ZNF160: variants seen among roughly 807,000 people sequenced by gnomAD.
ZNF160 encodes KRAB zinc finger protein KR18.
Under a neutral mutation model 13.1 loss-of-function variants are expected in ZNF160, and 9 were observed. That is an observed-to-expected ratio of 0.69 (90% CI 0.41 to 1.20). The LOEUF is 1.20. ZNF160 is among the 50% of genes most tolerant of loss of function. The pLI is 0.01. For missense variants in ZNF160, 838 were observed against 988.0 expected (o/e 0.85, Z 2.04); for synonymous variants, 293 against 333.2 (o/e 0.88, Z 1.31).
chr19:53,085,286 G>A (rs1196266538), intron 3 of ZNF160: 3 of 859,452 alleles, frequency 3.5e-6, no homozygotes, highest in Non-Finnish European at 4.2e-6. Flanking sequence ...ATTCACTGAG[G>A]AATTTGTTTA....
intron 5 of ZNF160, chr19:53,073,452 G>A: frequency 6.3e-7 from 1 of 1,598,394 alleles, no homozygotes. Context: ...TCTTCCATGA[G>A]GTTTGGGGCA....
chr19:53,091,663 C>CTG lies in ZNF160; in HGVS notation c.-298_-297dup, dbSNP rs2085041964. ...AGCGAGGCTGAAGCCACTCAGTGGG[C>CTG]TGGGAGCCGGGATCTCTCTAGGTCG... is the stretch of plus-strand genomic sequence containing the variant. On this transcript the variant is annotated 5_prime_UTR_variant, in exon 2 of 6. The change abolishes the stop of an existing upstream ORF in the 5' untranslated region. Coordinates refer to ENST00000683776, the MANE Select transcript of ZNF160 (RefSeq NM_001322131.2). The CTG allele has an allele frequency of 6.6e-6, 1 of 152,256 alleles. No homozygotes were observed. The allele number at this position is 152,256 out of a possible 1,614,324, so 9.4% of individuals were successfully genotyped here. A position where few individuals can be genotyped will look rare whatever the true frequency, so the allele number is the denominator to read the frequency against.
intron 1 of ZNF160, among the ~76,000 whole-genome samples, chr19:53,096,822 G>A (rs973186790): frequency 6.2e-5 from 8 of 129,104 alleles, no homozygotes; most frequent in Non-Finnish European, 1.2e-4. Context: ...AGAGGACAAC[G>A]GGGAAAGGGA....
intron 1 of ZNF160, among the ~76,000 whole-genome samples, chr19:53,093,848 G>A (rs2085124028): frequency 6.6e-6 from 1 of 152,128 alleles, no homozygotes; most frequent in Non-Finnish European, 1.5e-5. Flanking sequence ...GAATGTTCCT[G>A]TCACACATAA....
intron 5 of ZNF160, among the ~76,000 whole-genome samples, chr19:53,072,239 C>G (rs1255196328): frequency 6.6e-6 from 1 of 151,988 alleles, no homozygotes; most frequent in Non-Finnish European, 1.5e-5. Flanking sequence ...ATAGCTGGGA[C>G]TGCAGGCATG....
chr19:53,079,606 T>C (rs2084546033), intron 3 of ZNF160, among the ~76,000 whole-genome samples: 1 of 143,288 alleles, frequency 7.0e-6, no homozygotes, highest in East Asian at 2.0e-4. Flanking sequence ...CTTCAGAATA[T>C]TAGATTTGGC....
intron 4 of ZNF160, 88 bp from the exon 5 acceptor site, chr19:53,074,356 T>A: frequency 1.3e-6 from 2 of 1,532,810 alleles, no homozygotes; most frequent in South Asian, 2.5e-5. Flanking sequence ...TATATGTGGA[T>A]CTAAGAAAAC....
intron 3 of ZNF160, among the ~76,000 whole-genome samples, chr19:53,080,107 C>CTTTT (rs60598879): frequency 1.4e-5 from 2 of 140,958 alleles, no homozygotes; most frequent in Non-Finnish European, 3.1e-5. Flanking sequence ...ATCAGCAGTA[C>CTTTT]TTTTTTTTTT....
intron 2 of ZNF160, among the ~76,000 whole-genome samples, chr19:53,089,612 G>T (rs931919394): frequency 1.3e-5 from 2 of 152,064 alleles, no homozygotes. Flanking sequence ...TTATAGACAA[G>T]TTTTGCAATT....
chr19:53,069,714 T>C lies in ZNF160; in HGVS notation c.820A>G (p.Ser274Gly). The change falls in exon 6 of 6, where the codon AGT becomes GGT. Residue 274 changes from serine (S) to glycine (G), a missense_variant. Physicochemically the swap from Ser to Gly is moderately conservative, Grantham distance 56. Around this residue, in one of 3 missense-constraint regions of ZNF160, gnomAD observed 387 missense variants for 402.3 expected, o/e 0.96. Coordinates refer to ENST00000683776, the MANE Select transcript of ZNF160 (RefSeq NM_001322131.2). The surrounding 1 kb of genome is among the most constrained non-coding windows in gnomAD (Gnocchi z 4.4). ...TCTCCACTATGAATTCTCCTATGAC[T>C]TGTAAGGTTCGAATTCTGAGTGAAC... ...KAFTQNSNLT[S>G]HRRIHSGEKP... The C allele has an allele frequency of 6.2e-7, 1 of 1,614,254 alleles. No homozygotes were observed. Among genetic ancestry groups the C allele is most frequent in the Non-Finnish European group, 8.5e-7 (1 of 1,180,046 alleles).
Position 53,068,159 on chromosome 19 carries a change from T to TG in ZNF160, c.2374_2375insC (p.Asn792ThrfsTer2). 1 of 1,614,194 alleles carries TG rather than the reference T, an allele frequency of 6.2e-7. No homozygotes were observed. Among genetic ancestry groups the TG allele is most frequent in the South Asian group, 1.1e-5 (1 of 91,086 alleles). Reference sequence around the variant, plus strand: ...CTGCCTGAAGACCTTGCCACACTCATTACATTTGTAACGCTTTTCTCCAGT... The same window carrying TG: ...CTGCCTGAAGACCTTGCCACACTCATGTACATTTGTAACGCTTTTCTCCAGT... On this transcript the variant is annotated frameshift_variant, in exon 6 of 6. Transcript: ENST00000683776. LOFTEE classifies it low-confidence loss of function (END_TRUNC).
At chr19:53,073,841 A>G (rs1258324481) in intron 5 of ZNF160, among the ~76,000 whole-genome samples, 1 of 152,136 alleles carries the variant, frequency 6.6e-6, no homozygotes, top group African/African-American at 2.4e-5. Flanking sequence ...GCTGGAGTGC[A>G]GTGGCATGAT....
rs1452300264 is a variant in ZNF160 at position 53,068,322 on chromosome 19, A to G, written c.2212T>C (p.Cys738Arg). 6.2e-7 allele frequency: 1 copy of G among 1,614,020 alleles called. No homozygotes were observed. The highest frequency in any genetic ancestry group is 8.5e-7 in the Non-Finnish European group (1 of 1,180,034). The change falls in exon 6 of 6, where the codon TGT (cysteine) becomes CGT (arginine). Residue 738 changes from cysteine (C) to arginine (R), a missense_variant. Cys to Arg is a radical substitution (Grantham distance 180). Around this residue, in one of 3 missense-constraint regions of ZNF160, gnomAD observed 400 missense variants for 538.9 expected, o/e 0.74. Transcript: ENST00000683776. ...TGKKPYKCNE[C>R]GKVFTQNAHL... ...GCATTTTGAGTAAAGACCTTGCCAC[A>G]TTCATTACATTTGTAAGGTTTTTTC... is the stretch of plus-strand genomic sequence containing the variant.
intron 2 of ZNF160, among the ~76,000 whole-genome samples, chr19:53,086,800 G>T (rs2084852315): frequency 6.6e-6 from 1 of 152,150 alleles, no homozygotes; most frequent in African/African-American, 2.4e-5. Flanking sequence ...TACGTCAAGG[G>T]GGCACAAGAG....
Position 53,068,052 on chromosome 19 carries a change from A to G in ZNF160, c.*25T>C. The G allele has an allele frequency of 6.4e-7, 1 of 1,566,082 alleles. No homozygotes were observed. Among genetic ancestry groups the G allele is most frequent in the Non-Finnish European group, 8.6e-7 (1 of 1,156,120 alleles). ...AAATTAACTGATGTGAAAGGAGTGA[A>G]TTGTACCTAATGACCTCACCACACT... On this transcript the variant is annotated 3_prime_UTR_variant, in exon 6 of 6. Transcript: ENST00000683776.
At position 53,067,405 on chromosome 19, in the gene ZNF160, T is replaced by C. The variant is rs1379322420; in HGVS notation, c.*672A>G. On this transcript the variant is annotated 3_prime_UTR_variant, in exon 6 of 6. Coordinates refer to ENST00000683776, the MANE Select transcript of ZNF160 (RefSeq NM_001322131.2). ...TTTTTCGCCACTCCCAAATGCTAATTCAGATGATACTTAATTTTAAAAGCA... is the reference window on the plus strand; with the variant it reads ...TTTTTCGCCACTCCCAAATGCTAATCCAGATGATACTTAATTTTAAAAGCA... 1 of 152,182 alleles carries C rather than the reference T, an allele frequency of 6.6e-6. No individual in the cohort carries two copies. The highest frequency in any genetic ancestry group is 1.5e-5 in the Non-Finnish European group (1 of 68,040). The allele number at this position is 152,182 out of a possible 1,614,324, so 9.4% of individuals were successfully genotyped here. A position where few individuals can be genotyped will look rare whatever the true frequency, so the allele number is the denominator to read the frequency against.
intron 3 of ZNF160, chr19:53,084,979 G>C (rs1481717581): frequency 6.5e-6 from 1 of 154,960 alleles, no homozygotes; most frequent in Middle Eastern, 3.1e-3. Context: ...TTTGAGACAA[G>C]GTCTTGTTCT....
At chr19:53,076,223 A>G (rs758840063) in intron 3 of ZNF160, among the ~76,000 whole-genome samples, 4 of 152,246 alleles carry the variant, frequency 2.6e-5, no homozygotes, top group Admixed American at 6.5e-5. Context: ...TTTATGGGCA[A>G]TAAGTATACA....
intron 5 of ZNF160, among the ~76,000 whole-genome samples, chr19:53,072,719 C>T (rs530498713): frequency 4.3e-4 from 66 of 152,126 alleles, no homozygotes; most frequent in Middle Eastern, 3.4e-3. Context: ...GGCATGGTGG[C>T]GCATGCCTGT....
Sources: allele counts gnomAD v4.1 joint callset (sites outside exome capture counted in the v4.1 genomes callset), GRCh38; gene constraint gnomAD v4.1.1; regional missense constraint gnomAD v4.1.1; non-coding constraint Gnocchi (gnomAD v3.1); transcripts MANE v1.5; gene names NCBI Gene and HGNC (gene_info 2026-07-23, HGNC 2026-07-21).